The following FTO variants were observed in gnomAD, a reference collection of about 807,000 sequenced individuals.
FTO encodes alpha-ketoglutarate-dependent dioxygenase FTO.
A neutral mutation model predicts 63.9 loss-of-function variants in FTO; 47 were observed. The observed-to-expected ratio is 0.74, with a 90% confidence interval of 0.58 to 0.94. FTO has a LOEUF of 0.94. Ranked by LOEUF, FTO falls within the 40% of genes least tolerant of loss-of-function variation. The pLI, the probability that FTO is intolerant of heterozygous loss-of-function variation, is 0.00. For synonymous variants in FTO, 207 were observed against 224.4 expected (o/e 0.92, Z 0.69); for missense variants, 562 against 618.1 (o/e 0.91, Z 0.96).
intron 8 of FTO, among the ~76,000 whole-genome samples, chr16:53,970,719 A>G (rs778268081): frequency 1.4e-4 from 21 of 152,122 alleles, no homozygotes; most frequent in Non-Finnish European, 2.9e-4. Context: ...TTATTACCTT[A>G]CAGAGGTGTG....
chr16:53,750,458 CA>C (rs2076761704), intron 1 of FTO, among the ~76,000 whole-genome samples: 1 of 152,018 alleles, frequency 6.6e-6, no homozygotes, highest in Non-Finnish European at 1.5e-5. Context: ...AGGCTGTTCT[CA>C]AACTCCTGAC....
chr16:54,103,196 G>A (rs563719480), intron 8 of FTO, among the ~76,000 whole-genome samples: 2 of 152,284 alleles, frequency 1.3e-5, no homozygotes, highest in African/African-American at 4.8e-5. Context: ...TGGTATTTAT[G>A]TGGCTGAATG....
intron 8 of FTO, among the ~76,000 whole-genome samples, chr16:54,108,774 G>C (rs1338628893): frequency 6.6e-6 from 1 of 152,194 alleles, no homozygotes; most frequent in East Asian, 1.9e-4. Context: ...CCACTTGACA[G>C]ATAAGAAACT....
intron 1 of FTO, among the ~76,000 whole-genome samples, chr16:53,775,781 G>T (rs2077444718): frequency 6.6e-6 from 1 of 152,100 alleles, no homozygotes; most frequent in Non-Finnish European, 1.5e-5. Flanking sequence ...GCTTTTAATA[G>T]TCTGTTTTCT....
chr16:53,932,714 C>T (rs2082311894), intron 7 of FTO, among the ~76,000 whole-genome samples: 1 of 151,980 alleles, frequency 6.6e-6, no homozygotes, highest in South Asian at 2.1e-4. Context: ...CAAAATGGGA[C>T]TTTATTGAAA....
At chr16:54,075,828 G>A (rs1451772745) in intron 8 of FTO, among the ~76,000 whole-genome samples, 2 of 152,032 alleles carry the variant, frequency 1.3e-5, no homozygotes, top group Non-Finnish European at 2.9e-5. Context: ...CTTTAAGCAG[G>A]GCAACAGAGT....
At chr16:53,776,986 A>ATG (rs2077474469) in intron 1 of FTO, among the ~76,000 whole-genome samples, 1 of 152,122 alleles carries the variant, frequency 6.6e-6, no homozygotes, top group Non-Finnish European at 1.5e-5. Flanking sequence ...GCATGCTGTG[A>ATG]TGTTCCATGT....
At chr16:53,960,392 C>T (rs559808739) in intron 8 of FTO, among the ~76,000 whole-genome samples, 4 of 152,302 alleles carry the variant, frequency 2.6e-5, no homozygotes, top group East Asian at 3.9e-4. Context: ...GCAATGGTAT[C>T]GTTGGAGCTG....
At chr16:53,890,588 G>A (rs1360500340) in intron 7 of FTO, among the ~76,000 whole-genome samples, 2 of 152,136 alleles carry the variant, frequency 1.3e-5, no homozygotes, top group Admixed American at 6.5e-5. Flanking sequence ...CCTTTTCATG[G>A]ATATACGTCT....
intron 8 of FTO, among the ~76,000 whole-genome samples, chr16:54,067,130 G>A: frequency 1.4e-5 from 1 of 69,174 alleles, no homozygotes; most frequent in South Asian, 7.0e-4. Context: ...GGTGTTTTTG[G>A]TTGTTGTTGT....
intron 8 of FTO, among the ~76,000 whole-genome samples, chr16:54,069,380 C>T (rs534882117): frequency 6.6e-6 from 1 of 152,244 alleles, no homozygotes; most frequent in South Asian, 2.1e-4. Context: ...CCTACCTAAT[C>T]TAGTGATTAC....
intron 8 of FTO, among the ~76,000 whole-genome samples, chr16:53,958,662 G>C (rs1230126852): frequency 1.3e-5 from 2 of 152,252 alleles, no homozygotes; most frequent in Admixed American, 6.5e-5. Flanking sequence ...CTGGGAAGGA[G>C]AGATCTGTGC....
At chr16:53,766,859 G>A (rs138262625) in intron 1 of FTO, among the ~76,000 whole-genome samples, 125 of 152,188 alleles carry the variant, frequency 8.2e-4, no homozygotes, top group African/African-American at 2.6e-3. Context: ...GGGTTGCATC[G>A]CCAGACTGTC....
chr16:53,931,871 A>AACACACAC (rs35135177), intron 7 of FTO, among the ~76,000 whole-genome samples: 3,861 of 145,750 alleles, frequency 0.026, 69 homozygotes, highest in Middle Eastern at 0.052. Context: ...TTTTACATTA[A>AACACACAC]ACACACACAC....
At chr16:53,954,109 T>G (rs2082865141) in intron 8 of FTO, among the ~76,000 whole-genome samples, 1 of 152,198 alleles carries the variant, frequency 6.6e-6, no homozygotes, top group South Asian at 2.1e-4. Context: ...CATAGATTGT[T>G]GATAGATATG....
At chr16:53,906,847 G>A (rs145010893) in intron 7 of FTO, among the ~76,000 whole-genome samples, 5 of 152,088 alleles carry the variant, frequency 3.3e-5, no homozygotes, top group Admixed American at 2.0e-4. Context: ...CCACATCCAG[G>A]TCTTCATGCC....
At position 54,121,587 on chromosome 16, in the gene FTO, G is replaced by T. The variant is rs1395975403; in HGVS notation, c.*9672G>T. ...ATTCGCAGGGAAGCAGGCCGAGCCT[G>T]ATCTTTTCTCCGCTAGAACTGCTCA... On this transcript the variant is annotated 3_prime_UTR_variant, in exon 9 of 9. Transcript: ENST00000471389. 2.6e-5 allele frequency: 4 copies of T among 152,218 alleles called. No homozygotes were observed. The highest frequency in any genetic ancestry group is 6.5e-5 in the Admixed American group (1 of 15,282). 9.4% of individuals were successfully genotyped at this position (152,218 alleles called of 1,614,324 possible). A position where few individuals can be genotyped will look rare whatever the true frequency, so the allele number is the denominator to read the frequency against.
At chr16:53,973,651 G>A (rs1038044494) in intron 8 of FTO, among the ~76,000 whole-genome samples, 9 of 152,098 alleles carry the variant, frequency 5.9e-5, no homozygotes, top group African/African-American at 1.4e-4. Context: ...GATTTGGACC[G>A]TGTCTGGGGT....
chr16:53,785,943 A>G (rs562963301), intron 1 of FTO, among the ~76,000 whole-genome samples: 2 of 151,984 alleles, frequency 1.3e-5, no homozygotes, highest in East Asian at 3.9e-4. Flanking sequence ...AAGTCATGAT[A>G]AAGAGTGTGG....
Sources: allele counts gnomAD v4.1 joint callset (sites outside exome capture counted in the v4.1 genomes callset), GRCh38; gene constraint gnomAD v4.1.1; transcripts MANE v1.5; gene names NCBI Gene and HGNC (gene_info 2026-07-23, HGNC 2026-07-21).